The following CNOT1 variants were observed in gnomAD, a reference collection of about 807,000 sequenced individuals.
CNOT1 encodes the protein CCR4-associated factor 1.
A neutral mutation model predicts 273.8 loss-of-function variants in CNOT1; 15 were observed. The ratio of observed to expected loss-of-function variants is 0.05; its 90% confidence interval spans 0.04 to 0.08. The LOEUF (loss-of-function observed/expected upper bound fraction) is 0.08, where lower values mean the gene tolerates loss of function less well. CNOT1 is among the 10% of genes least tolerant of loss of function. The pLI, the probability that CNOT1 is intolerant of heterozygous loss-of-function variation, is 1.00. For synonymous variants in CNOT1, 1,022 were observed against 1,005.5 expected (o/e 1.02, Z -0.31); for missense variants, 1,644 against 2,912.2 (o/e 0.56, Z 10.02).
At chr16:58,557,147 C>G (rs184187667) in intron 18 of CNOT1, among the ~76,000 whole-genome samples, 154 bp from the exon 19 acceptor site, 2 of 152,202 alleles carry the variant, frequency 1.3e-5, no homozygotes, top group African/African-American at 4.8e-5. Context: ...CTTATTACAT[C>G]TATTCAATTT....
chr16:58,622,553 G>A (rs1308757537), intron 1 of CNOT1, among the ~76,000 whole-genome samples: 1 of 152,118 alleles, frequency 6.6e-6, no homozygotes, highest in East Asian at 1.9e-4. Flanking sequence ...GCTGAGTTCT[G>A]AATATAAAGC....
chr16:58,560,695 T>C (rs546825104), intron 16 of CNOT1, among the ~76,000 whole-genome samples: 24 of 152,138 alleles, frequency 1.6e-4, no homozygotes, highest in Non-Finnish European at 3.2e-4. Flanking sequence ...CTGGGCAAGA[T>C]AGCGAGACCC....
chr16:58,526,462 G>A (rs2151895096), intron 44 of CNOT1, among the ~76,000 whole-genome samples: 1 of 132,880 alleles, frequency 7.5e-6, no homozygotes, highest in Non-Finnish European at 1.5e-5. Flanking sequence ...CACTCACCAA[G>A]AGTCTTTGAA....
intron 8 of CNOT1, among the ~76,000 whole-genome samples, chr16:58,583,917 C>T (rs377578058): frequency 8.6e-5 from 13 of 151,628 alleles, no homozygotes; most frequent in African/African-American, 2.4e-4. Context: ...GCCTGTAATC[C>T]CAGCACTTTG....
rs1287927093 is a variant in CNOT1, at chr16:58,585,370, G to A, written c.774C>T (p.Phe258=). ...AAAAGCCATAGCCTACTTCTTGCAT[G>A]AAATCAGCCAAAGAGCTCTCCATCA... ...KTMMESSLAD[F]MQEVGYGFCA... The change falls in exon 8 of 49, where the codon TTC becomes TTT. Residue 258 remains phenylalanine (F), a synonymous_variant. Transcript: ENST00000317147. 5 of 1,613,732 alleles carry A rather than the reference G, an allele frequency of 3.1e-6. No homozygotes were observed. The African/African-American group carries it at 6.7e-5, about 22-fold the overall frequency.
Position 58,520,915 on chromosome 16 carries a change from T to G in CNOT1, c.*43A>C. 6.1e-5 allele frequency: 96 copies of G among 1,581,426 alleles called. No individual in the cohort carries two copies. The highest frequency in any genetic ancestry group is 7.5e-5 in the Non-Finnish European group (87 of 1,156,282). Reference sequence around the variant, plus strand: ...CAGTCAGTTTATGAACTCGGTGCAGTGAGACCTCTAGACTGACACGTACAA... The same window carrying G: ...CAGTCAGTTTATGAACTCGGTGCAGGGAGACCTCTAGACTGACACGTACAA... On this transcript the variant is annotated 3_prime_UTR_variant, in exon 49 of 49. Coordinates refer to ENST00000317147, the MANE Select transcript of CNOT1 (RefSeq NM_016284.5).
At chr16:58,596,992 C>T (rs981143269) in intron 2 of CNOT1, among the ~76,000 whole-genome samples, 2 of 149,110 alleles carry the variant, frequency 1.3e-5, no homozygotes, top group Non-Finnish European at 3.0e-5. Context: ...AAGAAGGTAG[C>T]TGGAAGTCCT....
chr16:58,574,515 G>A, intron 16 of CNOT1, 94 bp downstream of exon 16: 1 of 1,235,738 alleles, frequency 8.1e-7, no homozygotes, highest in Non-Finnish European at 1.1e-6. Flanking sequence ...ATTTTAAACT[G>A]CTGTCACTTT....
chr16:58,582,123 CAAAAAAA>C (rs930219983), intron 10 of CNOT1, among the ~76,000 whole-genome samples: 8 of 99,450 alleles, frequency 8.0e-5, no homozygotes, highest in East Asian at 3.2e-4. Flanking sequence ...ACTAAAAATA[CAAAAAAA>C]AAAAAAAAAA....
At chr16:58,604,879 G>T (rs1332724305) in intron 1 of CNOT1, among the ~76,000 whole-genome samples, 3 of 148,594 alleles carry the variant, frequency 2.0e-5, no homozygotes, top group Admixed American at 2.0e-4. Context: ...GCTCATGCCT[G>T]TAATCCCAGC....
In CNOT1 at chr16:58,520,164, G is replaced by A. The variant is rs1211124109; in HGVS notation, c.*794C>T. ...CCATTCATTCAGTGGGGTAATGGGG[G>A]AGAACAATTAATTAATGAGATTTGG... On this transcript the variant is annotated 3_prime_UTR_variant, in exon 49 of 49. Transcript: ENST00000317147. 2 of 152,052 alleles carry A rather than the reference G, an allele frequency of 1.3e-5. No individual in the cohort carries two copies. The highest frequency in any genetic ancestry group is 2.4e-5 in the African/African-American group (1 of 41,372). 9.4% of individuals were successfully genotyped at this position (152,052 alleles called of 1,614,324 possible).
At chr16:58,584,396 T>A (rs35239829) in intron 8 of CNOT1, among the ~76,000 whole-genome samples, 114,319 of 151,676 alleles carry the variant, frequency 0.75, 43,490 homozygotes, top group Middle Eastern at 0.86. Context: ...AGTGGCACGA[T>A]CTTGGCTCAC....
At chr16:58,525,897 A>C (rs2151894310) in intron 45 of CNOT1, 92 bp downstream of exon 45, 2 of 1,062,224 alleles carry the variant, frequency 1.9e-6, no homozygotes, top group South Asian at 3.1e-5. Context: ...TGACAATAAA[A>C]GACTAACTCC....
At chr16:58,532,439 C>T (rs747362881) in intron 40 of CNOT1, 44 bp from the exon 41 acceptor site, 2 of 1,593,506 alleles carry the variant, frequency 1.3e-6, no homozygotes, top group Non-Finnish European at 1.7e-6. Flanking sequence ...TTCAGATAAT[C>T]CACTCACCAC....
intron 44 of CNOT1, chr16:58,528,256 G>A: frequency 1.7e-6 from 1 of 595,414 alleles, no homozygotes. Flanking sequence ...ATGAAAACTA[G>A]CAACTAGAAA....
intron 6 of CNOT1, 24 bp downstream of exon 6, chr16:58,587,177 A>C (rs1251783242): frequency 6.2e-7 from 1 of 1,609,428 alleles, no homozygotes; most frequent in Admixed American, 1.7e-5. Context: ...TCACTTCGTG[A>C]TATTTTTGGA....
rs143677686 is a variant in CNOT1, at chr16:58,611,493, C to A, written c.-174-11982G>T. On this transcript the variant is annotated intron_variant, in intron 1 of 48. Transcript: ENST00000317147. ...TACTGAGAACCACTGACCTAAGGAG[C>A]AGTGTCAGGTTATTCCTTGCTAACA... Among the ~76,000 whole-genome samples the A allele has an allele frequency of 1.4e-4, 21 of 152,138 alleles. No homozygotes were observed. The East Asian group carries it at 4.1e-3, about 29-fold the overall frequency.
chr16:58,525,227 C>A lies in CNOT1; in HGVS notation c.6736G>T (p.Ala2246Ser), dbSNP rs1361201946. 1.9e-6 allele frequency: 3 copies of A among 1,613,784 alleles called. No individual in the cohort carries two copies. In the South Asian group the frequency reaches 3.3e-5, roughly 18 times the overall value. ...TPSMSTITHS[A>S]HMDIFQNLAV... ...AAATTCTGGAAGATATCCATGTGTG[C>A]TGAGTGAGTGATGGTGCTCATTGAA... The change falls in exon 46 of 49, where the codon GCA becomes TCA. Residue 2246 changes from alanine to serine, a missense_variant. By Grantham distance (99) the Ala-to-Ser change is moderately conservative (BLOSUM62 1). Around this residue, in one of 13 missense-constraint regions of CNOT1, gnomAD observed 140 missense variants for 324.6 expected, o/e 0.43. Coordinates refer to ENST00000317147, the MANE Select transcript of CNOT1 (RefSeq NM_016284.5).
At chr16:58,608,368 A>G (rs2152027835) in intron 1 of CNOT1, among the ~76,000 whole-genome samples, 1 of 152,190 alleles carries the variant, frequency 6.6e-6, no homozygotes, top group South Asian at 2.1e-4. Flanking sequence ...ACCCTGGCCA[A>G]CATAGTGAAA....
Sources: gnomAD v4.1 joint callset for allele counts (sites outside exome capture counted in the v4.1 genomes callset) on GRCh38, gnomAD v4.1.1 for gene constraint, gnomAD v4.1.1 regional missense constraint, MANE v1.5 for transcripts, NCBI Gene and HGNC (gene_info 2026-07-23, HGNC 2026-07-21) for gene names.